TFEC: variants seen among roughly 807,000 people sequenced by gnomAD.
The protein encoded by TFEC is transcription factor EC.
Under a neutral mutation model 41.6 loss-of-function variants are expected in TFEC, and 31 were observed. That is an observed-to-expected ratio of 0.74 (90% confidence interval 0.56 to 1.01). TFEC has a LOEUF of 1.01. Among genes scored for constraint, TFEC ranks in the 50% least tolerant of loss-of-function variants. The pLI, the probability that TFEC is intolerant of heterozygous loss-of-function variation, is 0.00. For missense variants in TFEC, 402 were observed against 404.1 expected (o/e 0.99, Z 0.04); for synonymous variants, 143 against 140.6 (o/e 1.02, Z -0.12).
chr7:116,099,588 C>T (rs575723388), intron 3 of TFEC, among the ~76,000 whole-genome samples: 4 of 152,310 alleles, frequency 2.6e-5, no homozygotes, highest in African/African-American at 9.6e-5. Context: ...CTGCTAGAGA[C>T]ACACGGCTCA....
At chr7:116,010,483 A>T (rs1794958727) in intron 1 of TFEC, among the ~76,000 whole-genome samples, 1 of 152,176 alleles carries the variant, frequency 6.6e-6, no homozygotes, top group Admixed American at 6.6e-5. Context: ...AAGAATAGAG[A>T]ATCATGAATT....
intron 1 of TFEC, among the ~76,000 whole-genome samples, chr7:116,138,079 T>G (rs753498274): frequency 1.3e-5 from 2 of 152,152 alleles, no homozygotes; most frequent in Non-Finnish European, 2.9e-5. Context: ...CAACATTCAT[T>G]TCTGCTACGT....
chr7:116,150,446 A>G (rs1798737026), intron 1 of TFEC, among the ~76,000 whole-genome samples: 1 of 152,180 alleles, frequency 6.6e-6, no homozygotes, highest in Non-Finnish European at 1.5e-5. Context: ...TATTGAATAC[A>G]TGTATCAACA....
chr7:116,012,921 GATC>G (rs1390601585), intron 1 of TFEC, among the ~76,000 whole-genome samples: 1 of 150,550 alleles, frequency 6.6e-6, no homozygotes, highest in Non-Finnish European at 1.5e-5. Context: ...GTTGATATAT[GATC>G]ATCAATTAAT....
intron 1 of TFEC, among the ~76,000 whole-genome samples, chr7:116,014,935 C>A (rs1406103867): frequency 6.6e-6 from 1 of 152,040 alleles, no homozygotes; most frequent in African/African-American, 2.4e-5. Flanking sequence ...AGGATCTAAA[C>A]CCTCCTGATA....
At chr7:115,942,156 T>C in intron 6 of TFEC, 116 bp from the exon 7 acceptor site, 1 of 1,047,566 alleles carries the variant, frequency 9.5e-7, no homozygotes, top group Non-Finnish European at 1.3e-6. Context: ...TTATTCACTC[T>C]TAGATATTAT....
At chr7:116,147,770 G>A (rs1182590112) in intron 1 of TFEC, among the ~76,000 whole-genome samples, 3 of 152,104 alleles carry the variant, frequency 2.0e-5, no homozygotes, top group Non-Finnish European at 1.5e-5. Context: ...TGTCAACGTA[G>A]AATCTTATAC....
At chr7:116,110,986 C>T in intron 2 of TFEC, 3 of 889,118 alleles carry the variant, frequency 3.4e-6, no homozygotes, top group Non-Finnish European at 4.8e-6. Flanking sequence ...AATATTTTAT[C>T]ACCTGAGACT....
intron 1 of TFEC, among the ~76,000 whole-genome samples, chr7:116,116,022 T>C (rs1449550849): frequency 1.3e-5 from 2 of 151,964 alleles, no homozygotes; most frequent in African/African-American, 4.8e-5. Flanking sequence ...ATCCAAATCA[T>C]GCCTCTTAAC....
chr7:115,954,723 G>T (rs557810497), intron 4 of TFEC, 81 bp from the exon 5 acceptor site: 2 of 1,042,484 alleles, frequency 1.9e-6, no homozygotes, highest in Admixed American at 4.9e-5. Flanking sequence ...GAACTCCTAG[G>T]TGAAAATAAA....
intron 1 of TFEC, among the ~76,000 whole-genome samples, chr7:116,112,417 C>A (rs1797875266): frequency 6.6e-6 from 1 of 152,002 alleles, no homozygotes; most frequent in South Asian, 2.1e-4. Context: ...AGAATATAAG[C>A]TCCTCAGGGT....
intron 1 of TFEC, among the ~76,000 whole-genome samples, chr7:116,001,133 G>A (rs1314288866): frequency 6.6e-6 from 1 of 152,028 alleles, no homozygotes; most frequent in Non-Finnish European, 1.5e-5. Context: ...AGAGAACCCA[G>A]AAACAAATCC....
At chr7:116,040,239 A>G (rs1184062364) in intron 3 of TFEC, among the ~76,000 whole-genome samples, 5 of 152,186 alleles carry the variant, frequency 3.3e-5, no homozygotes, top group Admixed American at 3.3e-4. Flanking sequence ...CAAGAAAATG[A>G]TTGCATTGGA....
At chr7:115,944,058 C>G (rs1562876710) in intron 6 of TFEC, among the ~76,000 whole-genome samples, 3 of 22,234 alleles carry the variant, frequency 1.3e-4, no homozygotes, top group Non-Finnish European at 3.9e-4. Context: ...CATTTTGTGA[C>G]TCCTGACTTA....
intron 3 of TFEC, among the ~76,000 whole-genome samples, chr7:116,051,382 G>A (rs185442347): frequency 5.3e-5 from 8 of 152,272 alleles, no homozygotes; most frequent in Non-Finnish European, 1.2e-4. Context: ...AGGGATAAGA[G>A]TTCAAGTCAT....
At chr7:116,086,511 T>C (rs1341955444) in intron 3 of TFEC, among the ~76,000 whole-genome samples, 1 of 151,686 alleles carries the variant, frequency 6.6e-6, no homozygotes, top group Non-Finnish European at 1.5e-5. Flanking sequence ...TGACCACGAG[T>C]GATGAGGTGA....
At chr7:115,971,501 T>C (rs987889684) in intron 3 of TFEC, among the ~76,000 whole-genome samples, 1 of 151,902 alleles carries the variant, frequency 6.6e-6, no homozygotes, top group African/African-American at 2.4e-5. Flanking sequence ...TATCTACCTT[T>C]TGGGGGGAAA....
chr7:116,089,110 T>C (rs1183195939), intron 3 of TFEC, among the ~76,000 whole-genome samples: 2 of 152,144 alleles, frequency 1.3e-5, no homozygotes, highest in Admixed American at 6.6e-5. Flanking sequence ...TTTAAATCTA[T>C]AGCAACTAGA....
At chr7:116,106,943 A>G (rs1254756200) in intron 3 of TFEC, among the ~76,000 whole-genome samples, 6 of 152,184 alleles carry the variant, frequency 3.9e-5, no homozygotes, top group Non-Finnish European at 7.3e-5. Context: ...TCCCCATCAG[A>G]AACAGAATTT....
Sources: gnomAD v4.1 joint callset for allele counts (sites outside exome capture counted in the v4.1 genomes callset) on GRCh38, gnomAD v4.1.1 for gene constraint, MANE v1.5 for transcripts, NCBI Gene and HGNC (gene_info 2026-07-23, HGNC 2026-07-21) for gene names.